Variants in STPG2 observed in about 807,000 individuals in gnomAD.
STPG2 encodes sperm tail PG-rich repeat containing 2, also known as sperm-tail PG-rich repeat-containing protein 2.
Under a neutral mutation model 54.2 loss-of-function variants are expected in STPG2, and 56 were observed. That is an observed-to-expected ratio of 1.03 (90% CI 0.83 to 1.29). The LOEUF is 1.29. Among genes scored for constraint, STPG2 ranks in the 50% most tolerant of loss-of-function variants. STPG2 has a pLI of 0.00. For missense variants in STPG2, 596 were observed against 544.9 expected (o/e 1.09, Z -0.93); for synonymous variants, 200 against 181.8 (o/e 1.10, Z -0.81).
At chr4:97,578,596 A>G (rs760734182) in intron 10 of STPG2, among the ~76,000 whole-genome samples, 5 of 147,416 alleles carry the variant, frequency 3.4e-5, no homozygotes, top group Non-Finnish European at 7.5e-5. Context: ...ACAAACCCAC[A>G]CTTTTTTTTT....
At chr4:97,535,192 T>A (rs952667968) in intron 4 of STPG2, among the ~76,000 whole-genome samples, 1 of 152,206 alleles carries the variant, frequency 6.6e-6, no homozygotes, top group East Asian at 1.9e-4. Context: ...TTTAATTTTA[T>A]AAAATACTGC....
chr4:97,853,749 T>C (rs1578624090), intron 8 of STPG2, among the ~76,000 whole-genome samples: 1 of 152,200 alleles, frequency 6.6e-6, no homozygotes, highest in Non-Finnish European at 1.5e-5. Flanking sequence ...GTTTCCCCTG[T>C]TGTATAAACA....
chr4:98,032,360 T>C (rs1272710830), intron 5 of STPG2, among the ~76,000 whole-genome samples: 1 of 152,108 alleles, frequency 6.6e-6, no homozygotes, highest in African/African-American at 2.4e-5. Context: ...CTGGTATATA[T>C]AAACTTACTC....
chr4:97,673,579 C>T (rs933068775), intron 10 of STPG2, among the ~76,000 whole-genome samples: 3 of 152,136 alleles, frequency 2.0e-5, no homozygotes, highest in Non-Finnish European at 4.4e-5. Flanking sequence ...CCCCTTCTTT[C>T]AAAAGTCTTC....
rs116805664 is a variant in STPG2, at chr4:97,686,066, A to G, written c.1320+26633T>C. ...AGGGGCAAGAAAAAGCATGTTACTT[A>G]TTTCAGATAACACCACTCAGTCTTC... On this transcript the variant is annotated intron_variant, in intron 10 of 10. Transcript: ENST00000295268. Among the ~76,000 whole-genome samples, 1,250 of 152,280 alleles carry G rather than the reference A, an allele frequency of 8.2e-3. 7 individuals carry two copies. The highest frequency in any genetic ancestry group is 0.02 in the Middle Eastern group (6 of 294).
intron 9 of STPG2, among the ~76,000 whole-genome samples, chr4:97,752,530 C>G (rs1725609461): frequency 6.6e-6 from 1 of 151,720 alleles, no homozygotes; most frequent in Admixed American, 6.6e-5. Context: ...ATCATATCAC[C>G]TCTCTGCTTT....
At chr4:97,591,124 T>C (rs1252661918) in intron 10 of STPG2, among the ~76,000 whole-genome samples, 1 of 152,120 alleles carries the variant, frequency 6.6e-6, no homozygotes, top group Non-Finnish European at 1.5e-5. Context: ...ACAGAAGATA[T>C]TAATATTAGT....
At chr4:98,025,112 CTT>C (rs996224059) in intron 5 of STPG2, among the ~76,000 whole-genome samples, 1 of 152,164 alleles carries the variant, frequency 6.6e-6, no homozygotes, top group Non-Finnish European at 1.5e-5. Flanking sequence ...TTAGTTTACT[CTT>C]TAAGAGTATT....
chr4:98,104,500 A>T (rs1739133492), intron 5 of STPG2, among the ~76,000 whole-genome samples: 1 of 152,198 alleles, frequency 6.6e-6, no homozygotes. Context: ...AGATACTGTG[A>T]TAGAAAAAGT....
chr4:97,505,025 G>T (rs1385943480), intron 4 of STPG2, among the ~76,000 whole-genome samples: 2 of 151,544 alleles, frequency 1.3e-5, no homozygotes, highest in African/African-American at 4.9e-5. Flanking sequence ...GTCACAAATG[G>T]TTGTCTGTTA....
chr4:97,897,437 G>A (rs1239127281), intron 8 of STPG2, among the ~76,000 whole-genome samples: 1 of 152,128 alleles, frequency 6.6e-6, no homozygotes, highest in Non-Finnish European at 1.5e-5. Flanking sequence ...TGGGATCGCT[G>A]AGTTGAATGG....
chr4:98,111,346 G>A (rs1301912771), intron 3 of STPG2, among the ~76,000 whole-genome samples: 3 of 152,106 alleles, frequency 2.0e-5, no homozygotes, highest in Non-Finnish European at 4.4e-5. Context: ...GTGCACCAGT[G>A]CCATTACATT....
chr4:97,797,026 C>T (rs534135972), intron 9 of STPG2, among the ~76,000 whole-genome samples: 134 of 152,206 alleles, frequency 8.8e-4, no homozygotes, highest in Admixed American at 2.8e-3. Context: ...GTGATTTTTG[C>T]ACATTGATTT....
chr4:97,623,255 C>A (rs1734058909), intron 10 of STPG2, among the ~76,000 whole-genome samples: 1 of 151,790 alleles, frequency 6.6e-6, no homozygotes. Context: ...AAAATAAAAA[C>A]AGATAAATGG....
At chr4:97,850,543 G>T (rs1729125866) in intron 8 of STPG2, among the ~76,000 whole-genome samples, 1 of 151,262 alleles carries the variant, frequency 6.6e-6, no homozygotes, top group Admixed American at 6.6e-5. Flanking sequence ...GAAGTATCTA[G>T]ACTTTATAAT....
intron 8 of STPG2, among the ~76,000 whole-genome samples, chr4:97,875,598 T>G (rs945078185): frequency 1.3e-5 from 2 of 152,020 alleles, no homozygotes; most frequent in Non-Finnish European, 2.9e-5. Context: ...GGAAAAATTA[T>G]AGTTATCCTT....
At chr4:97,656,746 AT>A (rs1172927968) in intron 10 of STPG2, among the ~76,000 whole-genome samples, 1 of 151,126 alleles carries the variant, frequency 6.6e-6, no homozygotes, top group African/African-American at 2.4e-5. Context: ...TTTTAGTTTT[AT>A]GGAAATATTT....
At chr4:97,558,539 C>G (rs193219960), downstream of STPG2, among the ~76,000 whole-genome samples, 2 of 152,168 alleles carry the variant, frequency 1.3e-5, no homozygotes, top group Non-Finnish European at 2.9e-5. Flanking sequence ...TTGTATGCTA[C>G]GCTATAGAGA....
intron 8 of STPG2, among the ~76,000 whole-genome samples, chr4:97,871,843 AAG>A (rs1729999625): frequency 6.6e-6 from 1 of 151,176 alleles, no homozygotes; most frequent in Non-Finnish European, 1.5e-5. Context: ...TGATATGAAA[AAG>A]AAAATTATAG....
Sources: allele counts gnomAD v4.1 joint callset (sites outside exome capture counted in the v4.1 genomes callset), GRCh38; gene constraint gnomAD v4.1.1; transcripts MANE v1.5; gene names NCBI Gene and HGNC (gene_info 2026-07-23, HGNC 2026-07-21).